The following LSAMP variants were observed in gnomAD, a reference collection of about 807,000 sequenced individuals.
LSAMP encodes the protein limbic system-associated membrane protein.
LSAMP carries 7 observed loss-of-function variants against 38.6 expected under a neutral mutation model. The ratio of observed to expected loss-of-function variants is 0.18; its 90% CI spans 0.10 to 0.34. The LOEUF is 0.34. LSAMP is among the 10% of genes least tolerant of loss of function. The pLI, the probability that LSAMP is intolerant of heterozygous loss-of-function variation, is 1.00. For synonymous variants in LSAMP, 154 were observed against 166.8 expected (o/e 0.92, Z 0.59); for missense variants, 313 against 420.0 (o/e 0.75, Z 2.23).
intron 6 of LSAMP, among the ~76,000 whole-genome samples, chr3:115,828,341 TTTTGTTTG>T (rs200798281): frequency 6.6e-6 from 1 of 152,134 alleles, no homozygotes. Context: ...TGCTGTTGTT[TTTTGTTTG>T]TTTGTTTATT....
At chr3:116,080,955 T>A (rs1041994430) in intron 2 of LSAMP, among the ~76,000 whole-genome samples, 3 of 151,868 alleles carry the variant, frequency 2.0e-5, no homozygotes, top group African/African-American at 7.3e-5. Flanking sequence ...GCAACATGAG[T>A]TTATTAAGAA....
chr3:116,443,504 A>G (rs1451238756), intron 1 of LSAMP, among the ~76,000 whole-genome samples: 1 of 151,990 alleles, frequency 6.6e-6, no homozygotes, highest in East Asian at 1.9e-4. Context: ...CACAACACAC[A>G]CTTTCGTCTC....
intron 2 of LSAMP, among the ~76,000 whole-genome samples, chr3:116,039,983 C>T (rs1227854777): frequency 2.0e-5 from 3 of 150,658 alleles, no homozygotes; most frequent in African/African-American, 7.5e-5. Flanking sequence ...GCTCTTTACT[C>T]TGCCTCTCTT....
chr3:116,433,166 A>T (rs983714009), intron 1 of LSAMP, among the ~76,000 whole-genome samples: 2 of 152,224 alleles, frequency 1.3e-5, no homozygotes, highest in Non-Finnish European at 2.9e-5. Context: ...TATGTTCCCC[A>T]GTCATTGTTT....
intron 1 of LSAMP, among the ~76,000 whole-genome samples, chr3:116,239,541 A>T (rs2046505682): frequency 6.6e-6 from 1 of 152,246 alleles, no homozygotes; most frequent in Non-Finnish European, 1.5e-5. Flanking sequence ...AATTCAGTAA[A>T]TAAATTAACA....
At chr3:115,876,475 C>T (rs1266065797) in intron 3 of LSAMP, among the ~76,000 whole-genome samples, 1 of 151,802 alleles carries the variant, frequency 6.6e-6, no homozygotes, top group African/African-American at 2.4e-5. Context: ...ACCAAGAAGC[C>T]AAGCACTGTC....
intron 1 of LSAMP, among the ~76,000 whole-genome samples, chr3:116,266,216 G>A (rs893483341): frequency 5.3e-5 from 8 of 152,040 alleles, no homozygotes; most frequent in Non-Finnish European, 1.0e-4. Flanking sequence ...ATCACACCAC[G>A]TAACTAATTA....
At chr3:115,945,816 T>A (rs1436911804) in intron 3 of LSAMP, among the ~76,000 whole-genome samples, 1 of 152,190 alleles carries the variant, frequency 6.6e-6, no homozygotes, top group Non-Finnish European at 1.5e-5. Flanking sequence ...CTCTCAATTA[T>A]TCACAGATGG....
At chr3:116,325,265 T>C (rs1215016748) in intron 1 of LSAMP, among the ~76,000 whole-genome samples, 1 of 152,026 alleles carries the variant, frequency 6.6e-6, no homozygotes, top group East Asian at 1.9e-4. Context: ...CTCAGTCTCC[T>C]TAGTAGCTGG....
chr3:116,101,806 C>T (rs568660459), intron 1 of LSAMP, among the ~76,000 whole-genome samples: 8 of 151,916 alleles, frequency 5.3e-5, no homozygotes, highest in Non-Finnish European at 1.0e-4. Flanking sequence ...TATATTGATG[C>T]CCTTTCTGTA....
chr3:115,924,572 C>T (rs1010841094), intron 3 of LSAMP, among the ~76,000 whole-genome samples: 5 of 152,068 alleles, frequency 3.3e-5, no homozygotes, highest in African/African-American at 1.2e-4. Context: ...GAAGACATTG[C>T]CTCATTATAT....
At chr3:115,888,637 G>A (rs1576187480) in intron 3 of LSAMP, among the ~76,000 whole-genome samples, 1 of 151,896 alleles carries the variant, frequency 6.6e-6, no homozygotes, top group Non-Finnish European at 1.5e-5. Context: ...CTGAGAACCA[G>A]ACTTCCACAC....
chr3:116,326,949 G>C, intron 1 of LSAMP, among the ~76,000 whole-genome samples: 1 of 152,102 alleles, frequency 6.6e-6, no homozygotes, highest in Non-Finnish European at 1.5e-5. Flanking sequence ...TGAAGCTACT[G>C]TAGGGGGTTA....
intron 3 of LSAMP, among the ~76,000 whole-genome samples, chr3:115,931,094 T>C (rs1937573664): frequency 6.6e-6 from 1 of 152,270 alleles, no homozygotes; most frequent in African/African-American, 2.4e-5. Context: ...TCTAAATATA[T>C]CACTGCCAGT....
intron 1 of LSAMP, among the ~76,000 whole-genome samples, chr3:116,401,609 T>C (rs1296672787): frequency 6.6e-6 from 1 of 152,212 alleles, no homozygotes; most frequent in African/African-American, 2.4e-5. Context: ...TCATCCCTGC[T>C]AATCCTTCAA....
At chr3:116,187,102 C>T (rs1710636954) in intron 1 of LSAMP, among the ~76,000 whole-genome samples, 1 of 152,120 alleles carries the variant, frequency 6.6e-6, no homozygotes, top group African/African-American at 2.4e-5. Flanking sequence ...ATGTTTTCAA[C>T]CCCTTTATCC....
rs11718869 is a variant in LSAMP at position 115,809,609 on chromosome 3, G to T, written c.*708C>A. On this transcript the variant is annotated 3_prime_UTR_variant, in exon 7 of 7. Transcript: ENST00000490035. The stretch of plus-strand genomic sequence containing the variant: ...AGCACACACGCACAGTGGAGAAAAT[G>T]AAAATGGCACTTCCTAGCATTTGCG... 0.28 allele frequency: 43,309 copies of T among 152,088 alleles called. 6,398 individuals carry two copies. Among genetic ancestry groups the T allele is most frequent in the Middle Eastern group, 0.45 (135 of 298 alleles). The allele number at this position is 152,088 out of a possible 1,614,324, so 9.4% of individuals were successfully genotyped here. A position where few individuals can be genotyped will look rare whatever the true frequency, so the allele number is the denominator to read the frequency against.
intron 1 of LSAMP, among the ~76,000 whole-genome samples, chr3:116,194,354 C>T (rs1427690082): frequency 1.3e-5 from 2 of 151,858 alleles, no homozygotes; most frequent in African/African-American, 4.8e-5. Flanking sequence ...AATCAAACTG[C>T]AGTACTGATG....
At chr3:116,074,665 T>G (rs1353437092) in intron 2 of LSAMP, among the ~76,000 whole-genome samples, 1 of 152,156 alleles carries the variant, frequency 6.6e-6, no homozygotes, top group Non-Finnish European at 1.5e-5. Flanking sequence ...CTATCCTCAT[T>G]TTGTTAACCC....
Sources: gnomAD v4.1 joint callset for allele counts (sites outside exome capture counted in the v4.1 genomes callset) on GRCh38, gnomAD v4.1.1 for gene constraint, MANE v1.5 for transcripts, NCBI Gene and HGNC (gene_info 2026-07-23, HGNC 2026-07-21) for gene names.